Variants in CDH9 observed in about 807,000 individuals in gnomAD.
CDH9 encodes the protein cadherin 9, also known as cadherin-9.
In CDH9, 28 loss-of-function variants were observed where a neutral mutation model predicts 70.9. That is an observed-to-expected ratio of 0.40 (90% CI 0.29 to 0.54). The LOEUF (loss-of-function observed/expected upper bound fraction) is 0.54. Ranked by LOEUF, CDH9 falls within the 20% of genes least tolerant of loss-of-function variation. The pLI is 0.59. For missense variants in CDH9, 874 were observed against 984.4 expected (o/e 0.89, Z 1.50); for synonymous variants, 409 against 343.1 (o/e 1.19, Z -2.12).
In CDH9 at chr5:26,895,474, T is replaced by C. The variant is rs1033104463; in HGVS notation, c.1254-4910A>G. Among the ~76,000 whole-genome samples the C allele has an allele frequency of 3.3e-5, 5 of 152,040 alleles. No individual in the cohort carries two copies. In the South Asian group the frequency reaches 1.0e-3, roughly 31 times the overall value. On this transcript the variant is annotated intron_variant, in intron 7 of 11. Coordinates refer to ENST00000231021, the MANE Select transcript of CDH9 (RefSeq NM_016279.4). ...GACATTTTATTGAGGCATAATTAAA[T>C]CCCTCACCAGAAAGTTTGTTTTGTT... is the stretch of plus-strand genomic sequence containing the variant.
intron 7 of CDH9, among the ~76,000 whole-genome samples, chr5:26,898,663 A>T (rs939248006): frequency 6.6e-6 from 1 of 152,198 alleles, no homozygotes; most frequent in African/African-American, 2.4e-5. Context: ...ATAATACAAA[A>T]ATTCACTCAA....
intron 2 of CDH9, among the ~76,000 whole-genome samples, chr5:26,975,657 A>G (rs1173821178): frequency 3.3e-5 from 5 of 152,196 alleles, no homozygotes; most frequent in African/African-American, 1.2e-4. Flanking sequence ...AGATATACCC[A>G]TTGAGGATTA....
Position 27,005,068 on chromosome 5 carries a change from A to C in CDH9, c.-49-16686T>G, listed in dbSNP as rs192893842. Among the ~76,000 whole-genome samples the C allele has an allele frequency of 4.4e-3, 670 of 152,294 alleles. 5 individuals carry two copies. Among genetic ancestry groups the C allele is most frequent in the African/African-American group, 0.015 (638 of 41,580 alleles). ...AAAGGCACAGACATGGACAGCATTC[A>C]GTGCTATTAAGTGGGTAATAGGATG... On this transcript the variant is annotated intron_variant, in intron 1 of 11. Transcript: ENST00000231021.
chr5:26,893,402 A>G (rs147635180), intron 7 of CDH9, among the ~76,000 whole-genome samples: 1 of 152,304 alleles, frequency 6.6e-6, no homozygotes, highest in African/African-American at 2.4e-5. Context: ...ACATGGAACC[A>G]GTTCAGTTGT....
intron 1 of CDH9, among the ~76,000 whole-genome samples, chr5:27,020,944 A>G (rs1417567963): frequency 6.6e-6 from 1 of 151,864 alleles, no homozygotes; most frequent in Non-Finnish European, 1.5e-5. Context: ...CACTGTTATC[A>G]AAATATATCC....
At chr5:26,926,165 G>C (rs1034715195) in intron 2 of CDH9, among the ~76,000 whole-genome samples, 14 of 152,128 alleles carry the variant, frequency 9.2e-5, no homozygotes, top group Admixed American at 9.2e-4. Flanking sequence ...CCTGTTTGCA[G>C]ATGGCATGAT....
At chr5:27,015,102 T>C (rs1743024946) in intron 1 of CDH9, among the ~76,000 whole-genome samples, 1 of 151,882 alleles carries the variant, frequency 6.6e-6, no homozygotes, top group African/African-American at 2.4e-5. Context: ...TAGATTCCAT[T>C]TCTAAAACAC....
intron 2 of CDH9, 110 bp downstream of exon 2, chr5:26,987,996 C>T: frequency 2.7e-6 from 2 of 733,796 alleles, no homozygotes; most frequent in Non-Finnish European, 4.4e-6. Context: ...ACCTTCAGAA[C>T]ATAATTAGTT....
intron 2 of CDH9, among the ~76,000 whole-genome samples, chr5:26,942,346 A>G (rs1350696206): frequency 6.6e-6 from 1 of 152,092 alleles, no homozygotes; most frequent in African/African-American, 2.4e-5. Flanking sequence ...ACAATTCAAG[A>G]TGAGATTTGG....
In CDH9 at chr5:26,992,377, G is replaced by A. The variant is rs776811030; in HGVS notation, c.-49-3995C>T. 2.0e-5 allele frequency among the ~76,000 whole-genome samples: 3 copies of A among 152,276 alleles called. No individual in the cohort carries two copies. The East Asian group carries it at 5.8e-4, about 30-fold the overall frequency. ...TATGAATGAGATGGTGCCCTTGTAA[G>A]AGAGGCATGAGAGGGTTCTCTTGCC... is the stretch of plus-strand genomic sequence containing the variant. On this transcript the variant is annotated intron_variant, in intron 1 of 11. Transcript: ENST00000231021.
chr5:26,905,890 G>T, intron 5 of CDH9, 69 bp downstream of exon 5: 2 of 1,148,804 alleles, frequency 1.7e-6, no homozygotes, highest in Non-Finnish European at 2.6e-6. Context: ...TATGAAATGT[G>T]AATATTAAAC....
intron 1 of CDH9, among the ~76,000 whole-genome samples, chr5:27,022,768 G>A (rs923987461): frequency 2.6e-5 from 4 of 151,936 alleles, no homozygotes; most frequent in African/African-American, 7.3e-5. Flanking sequence ...ATCCATGTGG[G>A]AAAATTTAGG....
intron 2 of CDH9, among the ~76,000 whole-genome samples, chr5:26,934,268 C>A (rs1020954496): frequency 6.6e-6 from 1 of 151,996 alleles, no homozygotes; most frequent in African/African-American, 2.4e-5. Context: ...GAGTTTGTGA[C>A]CAGCCTGAAC....
At chr5:27,000,925 A>T (rs753244732) in intron 1 of CDH9, among the ~76,000 whole-genome samples, 1 of 152,144 alleles carries the variant, frequency 6.6e-6, no homozygotes, top group Non-Finnish European at 1.5e-5. Context: ...CTTTGCATAT[A>T]GTAAAAGATG....
chr5:26,993,698 C>CAAAAAA lies in CDH9; in HGVS notation c.-49-5322_-49-5317dup, dbSNP rs34545141. 1.3e-3 allele frequency among the ~76,000 whole-genome samples: 66 copies of CAAAAAA among 50,970 alleles called. 4 individuals carry two copies. The highest frequency in any genetic ancestry group is 3.0e-3 in the African/African-American group (36 of 11,936). The allele number at this position is 50,970 out of a possible 152,430, so 33.4% of individuals were successfully genotyped here. ...CCAGCTCCCTACAGCTATTCAGCTG[C>CAAAAAA]AAAAAAAAAAAAAAAAAAAAAAAAG... On this transcript the variant is annotated intron_variant, in intron 1 of 11. Transcript: ENST00000231021.
At chr5:26,925,768 G>A (rs947496559) in intron 2 of CDH9, among the ~76,000 whole-genome samples, 3 of 152,012 alleles carry the variant, frequency 2.0e-5, no homozygotes, top group African/African-American at 7.3e-5. Context: ...TTCTACATAT[G>A]GCTAGCCAGT....
intron 1 of CDH9, among the ~76,000 whole-genome samples, chr5:27,033,972 T>C (rs535054170): frequency 6.6e-6 from 1 of 151,762 alleles, no homozygotes; most frequent in East Asian, 1.9e-4. Flanking sequence ...GTTATACAGC[T>C]TCCGGTGTAT....
At chr5:26,993,755 C>T (rs1403981868) in intron 1 of CDH9, among the ~76,000 whole-genome samples, 4 of 145,062 alleles carry the variant, frequency 2.8e-5, no homozygotes, top group African/African-American at 7.8e-5. Flanking sequence ...AAGAATGACT[C>T]GAAAGATAAT....
chr5:26,883,072 TATATATATATATATATATATATAAAA>T (rs1561181190), intron 11 of CDH9, among the ~76,000 whole-genome samples: 1 of 129,256 alleles, frequency 7.7e-6, no homozygotes, highest in African/African-American at 2.9e-5. Context: ...TATATATATA[TATATATATATATATATATATATAAAA>T]CTGCAGTAAA....
Sources: allele counts gnomAD v4.1 joint callset (sites outside exome capture counted in the v4.1 genomes callset), GRCh38; gene constraint gnomAD v4.1.1; transcripts MANE v1.5; gene names NCBI Gene and HGNC (gene_info 2026-07-23, HGNC 2026-07-21).